Variants in IFT74 observed in about 807,000 individuals in gnomAD.
The protein encoded by IFT74 is intraflagellar transport 74.
In IFT74, 92 loss-of-function variants were observed where a neutral mutation model predicts 96.7. The observed-to-expected ratio is 0.95, with a 90% CI of 0.80 to 1.13. IFT74 has a LOEUF of 1.13. IFT74 is among the 50% of genes most tolerant of loss of function. The pLI, the probability that IFT74 is intolerant of heterozygous loss-of-function variation, is 0.00. For synonymous variants in IFT74, 223 were observed against 213.2 expected (o/e 1.05, Z -0.40); for missense variants, 811 against 698.2 (o/e 1.16, Z -1.82).
At chr9:27,005,325 A>C (rs1828710093) in intron 8 of IFT74, among the ~76,000 whole-genome samples, 1 of 143,670 alleles carries the variant, frequency 7.0e-6, no homozygotes, top group Admixed American at 7.3e-5. Context: ...AAATTCTTAT[A>C]AATTTGATTG....
At chr9:26,983,168 G>A (rs1402991149) in intron 4 of IFT74, among the ~76,000 whole-genome samples, 2 of 152,154 alleles carry the variant, frequency 1.3e-5, no homozygotes, top group Admixed American at 1.3e-4. Flanking sequence ...ATAAAGAAAA[G>A]TATGGTTTCC....
At chr9:27,002,398 A>G (rs1230877681) in intron 8 of IFT74, among the ~76,000 whole-genome samples, 1 of 152,248 alleles carries the variant, frequency 6.6e-6, no homozygotes, top group Non-Finnish European at 1.5e-5. Flanking sequence ...TCAGCCCTCC[A>G]GTGTTTTCTT....
intron 8 of IFT74, among the ~76,000 whole-genome samples, chr9:26,997,479 A>G (rs889019970): frequency 1.3e-5 from 2 of 151,886 alleles, no homozygotes; most frequent in South Asian, 2.1e-4. Context: ...TACTACAGGC[A>G]TGCGCCACCA....
chr9:27,053,848 C>T (rs1372820792), intron 16 of IFT74, among the ~76,000 whole-genome samples: 2 of 152,168 alleles, frequency 1.3e-5, no homozygotes, highest in Non-Finnish European at 2.9e-5. Flanking sequence ...CTATTTCGAG[C>T]ATTAAAATAG....
In IFT74 at chr9:27,048,242, A is replaced by T; in HGVS notation, c.1301A>T (p.Lys434Ile). ...AATTTTAAATCTACTGAAGTGCAGAAATCACAAAGTACAGCTCAGAATTTG... is the reference window on the plus strand; with the variant it reads ...AATTTTAAATCTACTGAAGTGCAGATATCACAAAGTACAGCTCAGAATTTG... ...DLNFKSTEVQKSQSTAQNLTS... is the reference protein window; with the variant it reads ...DLNFKSTEVQISQSTAQNLTS... Residue 434 changes from lysine to isoleucine, a missense_variant, in exon 16 of 20, where the codon AAA becomes ATA. Transcript: ENST00000380062. The T allele has an allele frequency of 6.2e-7, 1 of 1,608,006 alleles. No homozygotes were observed. Among genetic ancestry groups the T allele is most frequent in the Non-Finnish European group, 8.5e-7 (1 of 1,176,476 alleles).
chr9:26,965,924 GC>G (rs1264300286), intron 2 of IFT74, among the ~76,000 whole-genome samples: 1 of 151,966 alleles, frequency 6.6e-6, no homozygotes, highest in Non-Finnish European at 1.5e-5. Context: ...TAGGATCATG[GC>G]CTCTGGTTCC....
intron 1 of IFT74, among the ~76,000 whole-genome samples, chr9:26,950,386 T>G (rs1825896192): frequency 6.6e-6 from 1 of 152,142 alleles, no homozygotes; most frequent in South Asian, 2.1e-4. Context: ...GTCTATTCTT[T>G]AGCAAAGTTC....
chr9:26,971,602 G>A (rs1389461336), intron 2 of IFT74, among the ~76,000 whole-genome samples: 2 of 152,160 alleles, frequency 1.3e-5, no homozygotes, highest in Non-Finnish European at 2.9e-5. Context: ...TGAAAGACAG[G>A]TGTTTCAGAA....
At chr9:27,024,842 A>T (rs1423315954) in intron 12 of IFT74, among the ~76,000 whole-genome samples, 1 of 152,030 alleles carries the variant, frequency 6.6e-6, no homozygotes, top group Admixed American at 6.5e-5. Context: ...TGGAAATGAA[A>T]GACACACTTT....
At chr9:27,039,162 G>A (rs1236373950) in intron 13 of IFT74, among the ~76,000 whole-genome samples, 1 of 152,164 alleles carries the variant, frequency 6.6e-6, no homozygotes, top group East Asian at 1.9e-4. Context: ...GGGTTATCAA[G>A]AGAGAAAAGC....
chr9:27,041,514 C>T (rs976431641), intron 13 of IFT74, among the ~76,000 whole-genome samples: 4 of 152,094 alleles, frequency 2.6e-5, no homozygotes, highest in Admixed American at 2.0e-4. Context: ...ACATCAAATG[C>T]TCCGAATTAA....
intron 8 of IFT74, chr9:26,997,735 C>G: frequency 6.3e-7 from 1 of 1,589,986 alleles, no homozygotes; most frequent in Non-Finnish European, 8.5e-7. Context: ...TACCTAATGT[C>G]ACATTTGATG....
intron 4 of IFT74, chr9:26,982,438 G>A (rs942561674): frequency 5.7e-5 from 22 of 383,656 alleles, no homozygotes; most frequent in Admixed American, 3.8e-4. Flanking sequence ...CACCACACTT[G>A]GCTAATTTTT....
At chr9:26,947,437 T>G in intron 1 of IFT74, 1 of 179,742 alleles carries the variant, frequency 5.6e-6, no homozygotes, top group Non-Finnish European at 1.2e-5. Context: ...CCCGGGTCTC[T>G]TCCGACTCCG....
intron 1 of IFT74, among the ~76,000 whole-genome samples, chr9:26,961,160 G>T (rs1050451357): frequency 1.4e-5 from 2 of 147,826 alleles, no homozygotes; most frequent in Non-Finnish European, 3.0e-5. Flanking sequence ...GCGCAATCTC[G>T]GCTCACTGCA....
At chr9:26,987,534 G>T (rs1418960236) in intron 6 of IFT74, among the ~76,000 whole-genome samples, 1 of 152,148 alleles carries the variant, frequency 6.6e-6, no homozygotes, top group Non-Finnish European at 1.5e-5. Context: ...ATCTGATACA[G>T]AGCAGTTAGC....
intron 12 of IFT74, among the ~76,000 whole-genome samples, chr9:27,019,565 A>G (rs1190545842): frequency 6.6e-6 from 1 of 151,400 alleles, no homozygotes; most frequent in East Asian, 1.9e-4. Flanking sequence ...AATTAATAAA[A>G]TACTAAGCAT....
intron 12 of IFT74, among the ~76,000 whole-genome samples, chr9:27,027,901 G>T (rs1250936105): frequency 6.6e-6 from 1 of 152,108 alleles, no homozygotes; most frequent in Non-Finnish European, 1.5e-5. Flanking sequence ...AGGTCATAAA[G>T]ACTATGTCTA....
chr9:27,001,666 G>A (rs760186173), intron 8 of IFT74, among the ~76,000 whole-genome samples: 42 of 151,804 alleles, frequency 2.8e-4, no homozygotes, highest in Non-Finnish European at 5.4e-4. Flanking sequence ...GTTTTTTATC[G>A]GTTTGTTTTT....
Sources: allele counts gnomAD v4.1 joint callset (sites outside exome capture counted in the v4.1 genomes callset), GRCh38; gene constraint gnomAD v4.1.1; transcripts MANE v1.5; gene names NCBI Gene and HGNC (gene_info 2026-07-23, HGNC 2026-07-21).